Variants in XKRX observed in about 807,000 individuals in gnomAD.
XKRX encodes XK-related protein 2.
XKRX carries 11 observed loss-of-function variants against 22.4 expected under a neutral mutation model. The observed-to-expected ratio is 0.49, with a 90% confidence interval of 0.31 to 0.81. The LOEUF (loss-of-function observed/expected upper bound fraction) is 0.81. Ranked by LOEUF, XKRX falls within the 40% of genes least tolerant of loss-of-function variation. The pLI is 0.05. For synonymous variants in XKRX, 114 were observed against 132.2 expected (o/e 0.86, Z 0.94); for missense variants, 320 against 336.5 (o/e 0.95, Z 0.38).
intron 2 of XKRX, among the ~76,000 whole-genome samples, chrX:100,917,722 G>GAAAGAAAGAAAGAAAAAT (rs772047288): frequency 2.7e-5 from 2 of 75,037 alleles, no homozygotes; most frequent in Admixed American, 1.6e-4. Flanking sequence ...AAGAAAGAAA[G>GAAAGAAAGAAAGAAAAAT]AAATCCTTGG....
chrX:100,887,236 T>G, the XKRX span, among the ~76,000 whole-genome samples: 8 of 110,782 alleles, frequency 7.2e-5, no homozygotes, highest in Non-Finnish European at 7.6e-5. Flanking sequence ...AATTCCAACT[T>G]CACACTGCTG....
the XKRX span, among the ~76,000 whole-genome samples, chrX:100,935,933 T>A: frequency 2.7e-5 from 3 of 110,464 alleles, no homozygotes; most frequent in African/African-American, 9.9e-5. Flanking sequence ...ACTTTCCTGT[T>A]GCTTTCAACT....
the XKRX span, among the ~76,000 whole-genome samples, chrX:100,893,747 G>C: frequency 1.8e-5 from 2 of 111,873 alleles, no homozygotes; most frequent in Non-Finnish European, 3.8e-5. Flanking sequence ...TCACTTACAA[G>C]GGGAAGCTAA....
the XKRX span, among the ~76,000 whole-genome samples, chrX:100,942,238 T>C: frequency 8.9e-6 from 1 of 112,241 alleles, no homozygotes; most frequent in Non-Finnish European, 1.9e-5. Flanking sequence ...GTCACTGAAA[T>C]AGAGGTATTA....
chrX:100,899,956 A>G, the XKRX span, among the ~76,000 whole-genome samples: 1 of 112,393 alleles, frequency 8.9e-6, no homozygotes, highest in Non-Finnish European at 1.9e-5. Flanking sequence ...AATCCCTATC[A>G]AAATCTCAGC....
upstream of XKRX, among the ~76,000 whole-genome samples, chrX:100,931,455 G>A (rs1231423741): frequency 1.8e-5 from 2 of 110,696 alleles, no homozygotes; most frequent in East Asian, 5.7e-4. Flanking sequence ...TTGTTGATGC[G>A]ATTTACAACC....
the XKRX span, among the ~76,000 whole-genome samples, chrX:100,893,208 A>G: frequency 8.9e-6 from 1 of 112,088 alleles, no homozygotes; most frequent in Non-Finnish European, 1.9e-5. Flanking sequence ...GTCAACATGT[A>G]CAAAGTTTCG....
At chrX:100,900,860 G>T in the XKRX span, among the ~76,000 whole-genome samples, 5 of 103,446 alleles carry the variant, frequency 4.8e-5, no homozygotes, top group African/African-American at 1.8e-4. Context: ...CACGATCTCG[G>T]CTCACTGCAA....
chrX:100,907,699 T>C, the XKRX span, among the ~76,000 whole-genome samples: 1 of 112,210 alleles, frequency 8.9e-6, no homozygotes, highest in Non-Finnish European at 1.9e-5. Flanking sequence ...ATTGTGACTA[T>C]GTTTCCATAG....
At chrX:100,901,134 C>T in the XKRX span, among the ~76,000 whole-genome samples, 3 of 111,159 alleles carry the variant, frequency 2.7e-5, no homozygotes, top group Admixed American at 9.6e-5. Flanking sequence ...CTCTGATGTA[C>T]ACCAAAGTTG....
chrX:100,925,565 CAAAG>C (rs1175849444), intron 1 of XKRX, among the ~76,000 whole-genome samples: 2 of 111,661 alleles, frequency 1.8e-5, no homozygotes, highest in Non-Finnish European at 3.8e-5. Flanking sequence ...ACAAAGCAAA[CAAAG>C]GAAGTCAAAA....
the XKRX span, among the ~76,000 whole-genome samples, chrX:100,952,057 CA>C: frequency 9.1e-6 from 1 of 109,620 alleles, no homozygotes; most frequent in Non-Finnish European, 1.9e-5. Flanking sequence ...ACCCTGAGAC[CA>C]AAATCAGACA....
At chrX:100,917,571 A>G (rs763412313) in intron 2 of XKRX, among the ~76,000 whole-genome samples, 4 of 102,744 alleles carry the variant, frequency 3.9e-5, no homozygotes, top group African/African-American at 7.3e-5. Flanking sequence ...GAGAGAGAGA[A>G]AGAAAGAGAG....
the XKRX span, among the ~76,000 whole-genome samples, chrX:100,951,590 G>C: frequency 9.0e-6 from 1 of 110,867 alleles, no homozygotes; most frequent in Non-Finnish European, 1.9e-5. Flanking sequence ...ATAAATCAAG[G>C]AAGTTGAAAA....
upstream of XKRX, chrX:100,929,075 C>CT (rs2085511305): frequency 8.8e-6 from 1 of 113,298 alleles, no homozygotes; most frequent in Admixed American, 9.5e-5. Context: ...GAAGAAAAGG[C>CT]TGGAGGGGCT....
the XKRX span, among the ~76,000 whole-genome samples, chrX:100,959,262 T>C: frequency 8.9e-6 from 1 of 112,131 alleles, no homozygotes; most frequent in African/African-American, 3.2e-5. Flanking sequence ...AATGTTACTA[T>C]GTTTTTGACG....
At chrX:100,950,109 C>G in the XKRX span, among the ~76,000 whole-genome samples, 1 of 111,459 alleles carries the variant, frequency 9.0e-6, no homozygotes, top group Non-Finnish European at 1.9e-5. Context: ...ATGAACAGAG[C>G]CTCAGGGTCC....
the XKRX span, among the ~76,000 whole-genome samples, chrX:100,935,397 A>T: frequency 1.8e-5 from 2 of 111,390 alleles, no homozygotes; most frequent in African/African-American, 6.5e-5. Flanking sequence ...TCTGATTGAG[A>T]CAGCTACGAA....
chrX:100,915,681 G>GGT (rs1229396328), intron 2 of XKRX, among the ~76,000 whole-genome samples: 7 of 83,069 alleles, frequency 8.4e-5, no homozygotes, highest in African/African-American at 3.5e-4. Context: ...AAATCTGGTG[G>GGT]GTGTGTCTGT....
Sources: allele counts gnomAD v4.1 joint callset (sites outside exome capture counted in the v4.1 genomes callset), GRCh38; gene constraint gnomAD v4.1.1; transcripts MANE v1.5; gene names NCBI Gene and HGNC (gene_info 2026-07-23, HGNC 2026-07-21).